The following SF3B3 variants were observed in gnomAD, a reference collection of about 807,000 sequenced individuals.
SF3B3 encodes the protein SAP 130.
SF3B3 carries 33 observed loss-of-function variants against 139.2 expected under a neutral mutation model. The observed-to-expected ratio is 0.24, with a 90% CI of 0.18 to 0.32. The LOEUF (loss-of-function observed/expected upper bound fraction) is 0.32, where lower values mean the gene tolerates loss of function less well. SF3B3 is among the 10% of genes least tolerant of loss of function. SF3B3 has a pLI of 1.00. For synonymous variants in SF3B3, 596 were observed against 563.6 expected, an observed-to-expected ratio of 1.06 and a Z score of -0.81; for missense variants, 818 against 1,509.4, an observed-to-expected ratio of 0.54 and a Z score of 7.59.
intron 11 of SF3B3, chr16:70,550,549 C>G (rs972283749): frequency 2.8e-5 from 13 of 456,622 alleles, no homozygotes; most frequent in African/African-American, 2.8e-4. Flanking sequence ...GTGAACATTC[C>G]TTCTGCCTGC....
rs2151796521 is a variant in SF3B3 at position 70,571,660 on chromosome 16, C to T, written c.3514-13C>T. On this transcript the variant is annotated splice_polypyrimidine_tract_variant and intron_variant, in intron 25 of 25. Coordinates refer to ENST00000302516, the MANE Select transcript of SF3B3 (RefSeq NM_012426.5). Reference sequence around the variant, plus strand: ...TCACCATTTTTTTTCTTTCTGCTTTCTCCATATCTTAGAATGTGATTGATG... The same window carrying T: ...TCACCATTTTTTTTCTTTCTGCTTTTTCCATATCTTAGAATGTGATTGATG... 1 of 1,604,490 alleles carries T rather than the reference C, an allele frequency of 6.2e-7. No individual in the cohort carries two copies. The highest frequency in any genetic ancestry group is 8.5e-7 in the Non-Finnish European group (1 of 1,176,804).
chr16:70,529,015 A>G lies in SF3B3; in HGVS notation c.213A>G (p.Thr71=). The G allele has an allele frequency of 3.1e-6, 5 of 1,614,192 alleles. No individual in the cohort carries two copies. Among genetic ancestry groups the G allele is most frequent in the Non-Finnish European group, 4.2e-6 (5 of 1,180,022 alleles). The change falls in exon 3 of 26, where the codon ACA becomes ACG. Residue 71 remains threonine, a synonymous_variant. Transcript: ENST00000302516. Reference sequence around the variant, plus strand: ...GGTCACTCATGGCCTTTAGGCTGACAGGTGGCACCAAAGACTACATTGTAG... The same window carrying G: ...GGTCACTCATGGCCTTTAGGCTGACGGGTGGCACCAAAGACTACATTGTAG... ...VIRSLMAFRL[T]GGTKDYIVVG...
chr16:70,529,486 A>C (rs746974778), intron 3 of SF3B3: 2 of 415,402 alleles, frequency 4.8e-6, no homozygotes, highest in Non-Finnish European at 8.8e-6. Flanking sequence ...ATGTTATTAG[A>C]CAGTGAATAT....
In SF3B3 at chr16:70,572,167, C is replaced by T. The variant is rs1002688598; in HGVS notation, c.*354C>T. On this transcript the variant is annotated 3_prime_UTR_variant, in exon 26 of 26. Coordinates refer to ENST00000302516, the MANE Select transcript of SF3B3 (RefSeq NM_012426.5). ...TTTTTAATTGGTTTTCTTGTAAATA[C>T]AGTTTTGTACAATGTTATCTCTGTG... is the stretch of plus-strand genomic sequence containing the variant. 2 of 477,724 alleles carry T rather than the reference C, an allele frequency of 4.2e-6. No individual in the cohort carries two copies. Among genetic ancestry groups the T allele is most frequent in the African/African-American group, 2.0e-5 (1 of 50,960 alleles). 29.6% of individuals were successfully genotyped at this position (477,724 alleles called of 1,614,324 possible).
At chr16:70,548,033 G>C (rs1217966020) in intron 10 of SF3B3, among the ~76,000 whole-genome samples, 1 of 152,182 alleles carries the variant, frequency 6.6e-6, no homozygotes, top group African/African-American at 2.4e-5. Context: ...GAAAGAAAGG[G>C]GATGCTAATT....
rs2050195425 is a variant in SF3B3, at chr16:70,539,129, T to C, written c.989T>C (p.Phe330Ser). Residue 330 changes from phenylalanine (F) to serine (S), a missense_variant, in exon 8 of 26, where the codon TTT becomes TCT. Transcript: ENST00000302516. Reference protein sequence around the residue: ...DMVTEIRLKYFDTVPVAAAMC... With the variant: ...DMVTEIRLKYSDTVPVAAAMC... ...GTTACTGAGATCCGGCTCAAATATT[T>C]TGATACTGTACCCGTTGCTGCTGCC... 2 of 1,613,998 alleles carry C rather than the reference T, an allele frequency of 1.2e-6. No individual in the cohort carries two copies. Among genetic ancestry groups the C allele is most frequent in the Admixed American group, 1.7e-5 (1 of 60,000 alleles).
At position 70,576,761 on chromosome 16, in the gene SF3B3, A is replaced by T. The variant is rs1452237859; in HGVS notation, c.*4948A>T. 1 of 152,238 alleles carries T rather than the reference A, an allele frequency of 6.6e-6. No homozygotes were observed. Among genetic ancestry groups the T allele is most frequent in the Non-Finnish European group, 1.5e-5 (1 of 68,058 alleles). 9.4% of individuals were successfully genotyped at this position (152,238 alleles called of 1,614,324 possible). A position where few individuals can be genotyped will look rare whatever the true frequency, so the allele number is the denominator to read the frequency against. ...GCAAAGTCCATGAAGAGAGCACTGT[A>T]TACAGTCAGATGACCTGGGCTCACT... On this transcript the variant is annotated 3_prime_UTR_variant, in exon 26 of 26. Coordinates refer to ENST00000302516, the MANE Select transcript of SF3B3 (RefSeq NM_012426.5).
intron 10 of SF3B3, 29 bp from the exon 11 acceptor site, chr16:70,548,341 G>A (rs1477349176): frequency 1.9e-6 from 3 of 1,599,150 alleles, no homozygotes; most frequent in African/African-American, 1.3e-5. Flanking sequence ...ATGCTCACTG[G>A]ATCTGTGGCT....
At chr16:70,550,328 A>G (rs1030927748) in intron 11 of SF3B3, 4 of 152,362 alleles carry the variant, frequency 2.6e-5, no homozygotes, top group African/African-American at 9.6e-5. Context: ...CTTTAGAGGG[A>G]CAGCATTTGC....
In SF3B3 at chr16:70,523,930, TAA is replaced by T. The variant is rs1361894424; in HGVS notation, c.-71+8_-71+9del. 2.3e-6 allele frequency: 1 copy of T among 437,490 alleles called. No homozygotes were observed. Among genetic ancestry groups the T allele is most frequent in the South Asian group, 6.0e-5 (1 of 16,590 alleles). 27.1% of individuals were successfully genotyped at this position (437,490 alleles called of 1,614,324 possible). On this transcript the variant is annotated splice_donor_region_variant and intron_variant, in intron 1 of 25. Transcript: ENST00000302516. Reference sequence around the variant, plus strand: ...CCACACCATCCTTCTCGCTGCAGGGTAAAAAAACAGCCTGGAGACTTCCCCGG... The same window carrying T: ...CCACACCATCCTTCTCGCTGCAGGGTAAAAACAGCCTGGAGACTTCCCCGG...
In SF3B3 at chr16:70,560,550, C is replaced by T. The variant is rs267604610; in HGVS notation, c.2092C>T (p.Pro698Ser). 6.2e-7 allele frequency: 1 copy of T among 1,613,864 alleles called. No individual in the cohort carries two copies. The change falls in exon 16 of 26, where the codon CCT becomes TCT. Residue 698 changes from proline to serine, a missense_variant. Around this residue, in one of 14 missense-constraint regions of SF3B3, gnomAD observed 170 missense variants for 353.0 expected, o/e 0.48. Coordinates refer to ENST00000302516, the MANE Select transcript of SF3B3 (RefSeq NM_012426.5). ...TCGCACTCGGTACCTGGGGTCCCGT[C>T]CTGTGAAGCTCTTCCGAGTCCGAAT... ...DTRTRYLGSR[P>S]VKLFRVRMQG...
At chr16:70,569,904 TA>T in intron 23 of SF3B3, 101 bp from the exon 24 acceptor site, 2 of 1,321,994 alleles carry the variant, frequency 1.5e-6, no homozygotes, top group Non-Finnish European at 2.1e-6. Context: ...TTTTGGATGT[TA>T]ATAGATGATG....
chr16:70,570,083 A>C lies in SF3B3; in HGVS notation c.3342A>C (p.Ser1114=). 6.2e-7 allele frequency: 1 copy of C among 1,614,124 alleles called. No homozygotes were observed. The highest frequency in any genetic ancestry group is 8.5e-7 in the Non-Finnish European group (1 of 1,180,032). The change falls in exon 24 of 26, where the codon TCA becomes TCC. Residue 1114 remains serine, a synonymous_variant. Coordinates refer to ENST00000302516, the MANE Select transcript of SF3B3 (RefSeq NM_012426.5). ...LQKTTLIPGG[S]ESLVYTTLSG... Reference sequence around the variant, plus strand: ...AGACCACGCTGATCCCTGGAGGCTCAGAATCACTTGTCTATACCACCTTGT... The same window carrying C: ...AGACCACGCTGATCCCTGGAGGCTCCGAATCACTTGTCTATACCACCTTGT...
Position 70,545,793 on chromosome 16 carries a change from ATGAGT to A in SF3B3, c.1329+1264_1329+1268del, listed in dbSNP as rs557077838. On this transcript the variant is annotated intron_variant, in intron 10 of 25. Transcript: ENST00000302516. ...TGCCATAAAGAATTATGTGAATTAAATGAGTTGATAACAAACAAAGCACTTAGCTT... is the reference window on the plus strand; with the variant it reads ...TGCCATAAAGAATTATGTGAATTAAATGATAACAAACAAAGCACTTAGCTT... Among the ~76,000 whole-genome samples the A allele has an allele frequency of 2.8e-4, 43 of 152,366 alleles. 2 individuals are homozygous for A. The South Asian group carries it at 8.9e-3, about 32-fold the overall frequency.
chr16:70,532,728 C>A, intron 5 of SF3B3, 108 bp downstream of exon 5: 1 of 1,059,488 alleles, frequency 9.4e-7, no homozygotes, highest in Non-Finnish European at 1.4e-6. Context: ...TTGTTGTGAA[C>A]CTGAATACCT....
In SF3B3 at chr16:70,570,627, G is replaced by A. The variant is rs117461112; in HGVS notation, c.3409-468G>A. Among the ~76,000 whole-genome samples the A allele has an allele frequency of 1.4e-4, 22 of 152,290 alleles. 1 individual carries two copies. In the East Asian group the frequency reaches 3.3e-3, roughly 23 times the overall value. On this transcript the variant is annotated intron_variant, in intron 24 of 25. Coordinates refer to ENST00000302516, the MANE Select transcript of SF3B3 (RefSeq NM_012426.5). ...TTACAGGCGTGAGCCACCCGCGCCC[G>A]GCCAGGCCGTTTGTTTTTATAGTGT... is the stretch of plus-strand genomic sequence containing the variant.
In SF3B3 at chr16:70,563,904, G is replaced by A; in HGVS notation, c.2317G>A (p.Val773Ile). The change falls in exon 18 of 26, where the codon GTC (valine) becomes ATC (isoleucine). Residue 773 changes from valine (V) to isoleucine (I), a missense_variant. This residue lies in a region of SF3B3 where 170 missense variants were observed against 353.0 expected (regional missense o/e 0.48). Coordinates refer to ENST00000302516, the MANE Select transcript of SF3B3 (RefSeq NM_012426.5). Reference protein sequence around the residue: ...RILALEKLGAVFNQVAFPLQY... With the variant: ...RILALEKLGAIFNQVAFPLQY... ...TTTGGCATTAGAGAAGCTCGGTGCT[G>A]TCTTCAATCAAGTAGCCTTCCCACT... 6.2e-7 allele frequency: 1 copy of A among 1,614,108 alleles called. No homozygotes were observed. The highest frequency in any genetic ancestry group is 8.5e-7 in the Non-Finnish European group (1 of 1,180,028).
Position 70,541,852 on chromosome 16 carries a change from G to A in SF3B3, c.1233+18G>A. On this transcript the variant is annotated intron_variant, in intron 9 of 25. Transcript: ENST00000302516. ...TTTGCCAGGTTGGTGGGCCTTTCCA[G>A]CCCCTTCCACAATAGATCTAAAGTT... The A allele has an allele frequency of 6.2e-7, 1 of 1,607,978 alleles. No homozygotes were observed. Among genetic ancestry groups the A allele is most frequent in the Non-Finnish European group, 8.5e-7 (1 of 1,176,112 alleles).
chr16:70,538,080 T>G, intron 6 of SF3B3: 1 of 671,140 alleles, frequency 1.5e-6, no homozygotes, highest in Non-Finnish European at 2.8e-6. Flanking sequence ...GTTTTTGCCT[T>G]ATGAATCTGA....
Sources: gnomAD v4.1 joint callset for allele counts (sites outside exome capture counted in the v4.1 genomes callset) on GRCh38, gnomAD v4.1.1 for gene constraint, gnomAD v4.1.1 regional missense constraint, MANE v1.5 for transcripts, NCBI Gene and HGNC (gene_info 2026-07-23, HGNC 2026-07-21) for gene names.